Variants in MAST2 observed in about 807,000 individuals in gnomAD.
MAST2 encodes microtubule associated serine/threonine kinase 2.
In MAST2, 70 loss-of-function variants were observed where a neutral mutation model predicts 147.4. That is an observed-to-expected ratio of 0.47 (90% CI 0.39 to 0.58). The LOEUF (loss-of-function observed/expected upper bound fraction) is 0.58. MAST2 is among the 20% of genes least tolerant of loss of function. The probability of loss-of-function intolerance (pLI) is 0.00; values close to 1 mark genes in which losing one functional copy is unlikely to be tolerated. For missense variants in MAST2, 2,080 were observed against 2,302.3 expected, an observed-to-expected ratio of 0.90 and a Z score of 1.98; for synonymous variants, 869 against 896.8, an observed-to-expected ratio of 0.97 and a Z score of 0.55.
chr1:45,888,823 A>C (rs1647230438), intron 4 of MAST2, among the ~76,000 whole-genome samples: 1 of 151,254 alleles, frequency 6.6e-6, no homozygotes, highest in African/African-American at 2.4e-5. Flanking sequence ...CTGGTACTAC[A>C]GATGTGTGCA....
intron 5 of MAST2, among the ~76,000 whole-genome samples, chr1:45,962,667 AT>A (rs1311014798): frequency 6.6e-6 from 1 of 152,178 alleles, no homozygotes; most frequent in Non-Finnish European, 1.5e-5. Flanking sequence ...GATTCTGGAT[AT>A]TAACCCTTTG....
At chr1:45,993,136 A>G (rs1334886023) in intron 5 of MAST2, among the ~76,000 whole-genome samples, 1 of 151,968 alleles carries the variant, frequency 6.6e-6, no homozygotes, top group Non-Finnish European at 1.5e-5. Context: ...TAATAATATT[A>G]TTATTAATTA....
intron 6 of MAST2, among the ~76,000 whole-genome samples, chr1:46,002,340 G>T (rs756872284): frequency 6.6e-6 from 1 of 152,178 alleles, no homozygotes; most frequent in African/African-American, 2.4e-5. Context: ...GCTCAGTTCA[G>T]ACCCAGATGG....
intron 6 of MAST2, 76 bp downstream of exon 6, chr1:45,997,875 T>C (rs1645121021): frequency 1.7e-6 from 2 of 1,196,574 alleles, no homozygotes; most frequent in Non-Finnish European, 2.5e-6. Flanking sequence ...GTCAGATTCC[T>C]CCTTTAAGTG....
At chr1:45,951,392 A>G (rs888993679) in intron 4 of MAST2, among the ~76,000 whole-genome samples, 1 of 152,090 alleles carries the variant, frequency 6.6e-6, no homozygotes, top group African/African-American at 2.4e-5. Context: ...AGACCATCCC[A>G]GACAATATGG....
chr1:45,825,111 C>T (rs1031178512), intron 2 of MAST2, among the ~76,000 whole-genome samples: 3 of 151,018 alleles, frequency 2.0e-5, no homozygotes, highest in Non-Finnish European at 4.4e-5. Context: ...CTGCAAGCTC[C>T]GCCTCCCGGA....
intron 4 of MAST2, among the ~76,000 whole-genome samples, chr1:45,907,584 C>T (rs1650980103): frequency 6.6e-6 from 1 of 151,676 alleles, no homozygotes; most frequent in East Asian, 1.9e-4. Context: ...CAACTTCTGG[C>T]ATTTTAACCA....
At chr1:45,804,367 G>C (rs770090853) in intron 1 of MAST2, among the ~76,000 whole-genome samples, 2 of 152,086 alleles carry the variant, frequency 1.3e-5, no homozygotes, top group Non-Finnish European at 2.9e-5. Context: ...GAGCTGCAAC[G>C]AGTAGGCTTA....
intron 5 of MAST2, among the ~76,000 whole-genome samples, chr1:45,977,007 A>T (rs1644188084): frequency 6.6e-6 from 1 of 152,264 alleles, no homozygotes; most frequent in Non-Finnish European, 1.5e-5. Flanking sequence ...ATGTTTGTAT[A>T]GAGAAATTGG....
At position 45,803,930 on chromosome 1, in the gene MAST2, C is replaced by A. The variant is rs1287080536; in HGVS notation, c.35C>A (p.Pro12Gln). 14 of 795,354 alleles carry A rather than the reference C, an allele frequency of 1.8e-5. No homozygotes were observed. The highest frequency in any genetic ancestry group is 1.9e-5 in the Non-Finnish European group (11 of 564,934). The allele number at this position is 795,354 out of a possible 1,614,324, so 49.3% of individuals were successfully genotyped here. The part of the protein sequence containing the change: ...KRSRCRDRPQ[P>Q]PPPDRREDGV... The stretch of plus-strand genomic sequence containing the variant: ...AGCCGCTGCCGCGACCGACCGCAGC[C>A]GCCGCCGCCCGACCGCCGGGAGGAT... Residue 12 changes from proline (P) to glutamine (Q), a missense_variant, in exon 1 of 29, where the codon CCG becomes CAG. Physicochemically the swap from Pro to Gln is moderately conservative, Grantham distance 76. Transcript: ENST00000361297.
At chr1:45,889,534 C>T (rs1292056483) in intron 4 of MAST2, among the ~76,000 whole-genome samples, 4 of 152,120 alleles carry the variant, frequency 2.6e-5, no homozygotes, top group African/African-American at 9.7e-5. Flanking sequence ...ACTATCTATA[C>T]AGTGTGGTTG....
chr1:45,891,341 A>T (rs554039904), intron 4 of MAST2, among the ~76,000 whole-genome samples: 18 of 152,196 alleles, frequency 1.2e-4, no homozygotes, highest in South Asian at 4.2e-4. Context: ...AAGTTTTTTT[A>T]AAAAAATTAG....
intron 3 of MAST2, among the ~76,000 whole-genome samples, chr1:45,880,305 T>A (rs1249939949): frequency 3.3e-5 from 5 of 152,192 alleles, no homozygotes; most frequent in Admixed American, 6.6e-5. Flanking sequence ...GTAAAAAGGT[T>A]TATATTTGTA....
At chr1:45,904,380 G>T (rs983771119) in intron 4 of MAST2, among the ~76,000 whole-genome samples, 1 of 151,926 alleles carries the variant, frequency 6.6e-6, no homozygotes, top group East Asian at 1.9e-4. Flanking sequence ...TACCATGTTG[G>T]CCAGGCTGAT....
intron 11 of MAST2, 94 bp from the exon 12 acceptor site, chr1:46,021,856 G>A (rs894465722): frequency 3.3e-6 from 4 of 1,216,350 alleles, no homozygotes; most frequent in South Asian, 2.8e-5. Context: ...AGAAAGTCTT[G>A]TTCATCTCAG....
chr1:45,914,223 A>G (rs959763138), intron 4 of MAST2, among the ~76,000 whole-genome samples: 4 of 152,224 alleles, frequency 2.6e-5, no homozygotes, highest in Admixed American at 6.5e-5. Flanking sequence ...TGAGAAACCA[A>G]TGGAAACAAA....
chr1:45,857,326 A>G (rs1157765134), intron 3 of MAST2, among the ~76,000 whole-genome samples: 1 of 152,224 alleles, frequency 6.6e-6, no homozygotes, highest in Non-Finnish European at 1.5e-5. Context: ...TATGTAAATG[A>G]TAAAATATTA....
chr1:45,836,675 A>G (rs1645111333), intron 3 of MAST2, among the ~76,000 whole-genome samples: 1 of 152,152 alleles, frequency 6.6e-6, no homozygotes, highest in South Asian at 2.1e-4. Context: ...CTATATCTAT[A>G]TGTCAGTTGG....
chr1:45,825,317 G>A (rs1014225938), intron 2 of MAST2, among the ~76,000 whole-genome samples: 10 of 151,708 alleles, frequency 6.6e-5, no homozygotes, highest in East Asian at 2.0e-4. Context: ...GAGCCACCGC[G>A]CCCAGCCTCT....
Sources: allele counts gnomAD v4.1 joint callset (sites outside exome capture counted in the v4.1 genomes callset), GRCh38; gene constraint gnomAD v4.1.1; transcripts MANE v1.5; gene names NCBI Gene and HGNC (gene_info 2026-07-23, HGNC 2026-07-21).